PTPRD: variants seen among roughly 807,000 people sequenced by gnomAD.
PTPRD encodes receptor-type tyrosine-protein phosphatase delta.
In PTPRD, 34 loss-of-function variants were observed where a neutral mutation model predicts 214.5. The ratio of observed to expected loss-of-function variants is 0.16; its 90% CI spans 0.12 to 0.21. The LOEUF is 0.21. PTPRD is among the 10% of genes least tolerant of loss of function. PTPRD has a pLI of 1.00. For missense variants in PTPRD, 2,545 were observed against 2,398.7 expected, an observed-to-expected ratio of 1.06 and a Z score of -1.27; for synonymous variants, 1,128 against 845.7, an observed-to-expected ratio of 1.33 and a Z score of -5.79.
chr9:10,212,839 T>G (rs1230551719), intron 3 of PTPRD, among the ~76,000 whole-genome samples: 1 of 152,172 alleles, frequency 6.6e-6, no homozygotes, highest in Non-Finnish European at 1.5e-5. Flanking sequence ...CTACTCTTTC[T>G]TTCCCACAAG....
chr9:9,520,169 G>C (rs2096932595), intron 8 of PTPRD, among the ~76,000 whole-genome samples: 1 of 151,082 alleles, frequency 6.6e-6, no homozygotes, highest in Non-Finnish European at 1.5e-5. Context: ...GGTTTCTGTT[G>C]AAATGTAATG....
chr9:9,403,244 T>C lies in PTPRD; in HGVS notation c.-236-5762A>G, dbSNP rs543106063. ...AGGCAGAGGTCTCAGTAAGCTGACA[T>C]TGTGCCACTATACTCCAGTCTAGGC... is the stretch of plus-strand genomic sequence containing the variant. On this transcript the variant is annotated intron_variant, in intron 8 of 45. Coordinates refer to ENST00000381196, the MANE Select transcript of PTPRD (RefSeq NM_002839.4). Among the ~76,000 whole-genome samples the C allele has an allele frequency of 6.3e-3, 765 of 121,848 alleles. 2 individuals carry two copies. The highest frequency in any genetic ancestry group is 0.014 in the South Asian group (52 of 3,670). The allele number at this position is 121,848 out of a possible 152,430, so 79.9% of individuals were successfully genotyped here. A position where few individuals can be genotyped will look rare whatever the true frequency, so the allele number is the denominator to read the frequency against.
chr9:9,699,419 C>T (rs1285473578), intron 7 of PTPRD, among the ~76,000 whole-genome samples: 1 of 151,414 alleles, frequency 6.6e-6, no homozygotes, highest in African/African-American at 2.4e-5. Context: ...CTTTTTTGTC[C>T]CCCTTAGGAA....
chr9:10,180,313 C>T (rs2099274629), intron 3 of PTPRD, among the ~76,000 whole-genome samples: 1 of 151,884 alleles, frequency 6.6e-6, no homozygotes, highest in Admixed American at 6.6e-5. Context: ...AGGATAAAAG[C>T]CAAAGTTCTA....
At chr9:8,999,307 C>T (rs748711218) in intron 11 of PTPRD, among the ~76,000 whole-genome samples, 7 of 151,616 alleles carry the variant, frequency 4.6e-5, no homozygotes, top group Non-Finnish European at 7.4e-5. Context: ...TTTAAAAAAC[C>T]GCAACAGCCA....
chr9:10,429,817 T>A (rs1026463402), intron 2 of PTPRD, among the ~76,000 whole-genome samples: 1 of 151,902 alleles, frequency 6.6e-6, no homozygotes, highest in African/African-American at 2.4e-5. Context: ...TTTGAATACA[T>A]CATATTAATT....
intron 2 of PTPRD, among the ~76,000 whole-genome samples, chr9:10,565,096 G>A (rs527368539): frequency 6.6e-6 from 1 of 151,824 alleles, no homozygotes; most frequent in Non-Finnish European, 1.5e-5. Flanking sequence ...TACAGACACT[G>A]TGATATACAT....
At chr9:9,081,540 T>C (rs747989929) in intron 10 of PTPRD, among the ~76,000 whole-genome samples, 9 of 152,144 alleles carry the variant, frequency 5.9e-5, no homozygotes, top group Non-Finnish European at 1.2e-4. Flanking sequence ...GTACAAGTCC[T>C]GAATATCCTT....
chr9:10,567,341 A>C (rs1489633152), intron 2 of PTPRD, among the ~76,000 whole-genome samples: 4 of 152,110 alleles, frequency 2.6e-5, no homozygotes, highest in Non-Finnish European at 4.4e-5. Context: ...TACAAATTTC[A>C]ATTTTTGAGA....
chr9:9,582,128 C>G (rs681437), intron 7 of PTPRD, among the ~76,000 whole-genome samples: 48,164 of 151,880 alleles, frequency 0.32, 7,988 homozygotes, highest in African/African-American at 0.38. Flanking sequence ...GCAGAAACTT[C>G]TAGTTATCCC....
intron 2 of PTPRD, among the ~76,000 whole-genome samples, chr9:10,438,477 T>C (rs1011898917): frequency 1.3e-5 from 2 of 151,764 alleles, no homozygotes; most frequent in African/African-American, 4.8e-5. Flanking sequence ...AAATCAGAGA[T>C]AGACTTCAAC....
intron 4 of PTPRD, among the ~76,000 whole-genome samples, chr9:9,991,245 T>C (rs2095906319): frequency 6.6e-6 from 1 of 151,126 alleles, no homozygotes; most frequent in African/African-American, 2.4e-5. Context: ...AGTAAAATAT[T>C]CTCATAAACT....
chr9:10,331,526 G>C (rs1452793587), intron 3 of PTPRD, among the ~76,000 whole-genome samples: 1 of 151,794 alleles, frequency 6.6e-6, no homozygotes, highest in Non-Finnish European at 1.5e-5. Flanking sequence ...TAAATAGTAA[G>C]AGATGGTTCA....
At chr9:8,560,972 G>A (rs2086031248) in intron 14 of PTPRD, among the ~76,000 whole-genome samples, 1 of 151,288 alleles carries the variant, frequency 6.6e-6, no homozygotes, top group African/African-American at 2.4e-5. Context: ...GACAGTGAAA[G>A]GAGGCAGTCA....
chr9:8,824,268 G>C (rs1313205101), intron 11 of PTPRD, among the ~76,000 whole-genome samples: 3 of 152,156 alleles, frequency 2.0e-5, no homozygotes, highest in African/African-American at 7.2e-5. Flanking sequence ...GCTGTGGTTA[G>C]CACACCTTTG....
intron 8 of PTPRD, among the ~76,000 whole-genome samples, chr9:9,478,776 G>GC (rs1327919484): frequency 8.5e-5 from 13 of 152,274 alleles, no homozygotes; most frequent in African/African-American, 2.9e-4. Context: ...TATTTCAAGT[G>GC]CCTCTTCTTT....
At chr9:9,566,374 T>C (rs903567281) in intron 8 of PTPRD, among the ~76,000 whole-genome samples, 9 of 152,010 alleles carry the variant, frequency 5.9e-5, no homozygotes, top group African/African-American at 1.9e-4. Context: ...AATTAATTAC[T>C]CAAGAGCACA....
At chr9:9,179,784 C>A (rs1593021734) in intron 10 of PTPRD, among the ~76,000 whole-genome samples, 1 of 151,966 alleles carries the variant, frequency 6.6e-6, no homozygotes, top group East Asian at 1.9e-4. Flanking sequence ...TGAATGAGGT[C>A]TCTGAAGTTT....
intron 35 of PTPRD, among the ~76,000 whole-genome samples, chr9:8,411,078 A>C (rs534356271): frequency 2.2e-4 from 33 of 152,016 alleles, no homozygotes; most frequent in Non-Finnish European, 4.6e-4. Context: ...ACAACAACAA[A>C]ACCAAAAATA....
Sources: gnomAD v4.1 joint callset for allele counts (sites outside exome capture counted in the v4.1 genomes callset) on GRCh38, gnomAD v4.1.1 for gene constraint, MANE v1.5 for transcripts, NCBI Gene and HGNC (gene_info 2026-07-23, HGNC 2026-07-21) for gene names.